BIRC6: variants seen among roughly 807,000 people sequenced by gnomAD.
BIRC6 encodes the protein baculoviral IAP repeat containing 6, also known as dual E2 ubiquitin-conjugating enzyme/E3 ubiquitin-protein ligase BIRC6.
BIRC6 carries 98 observed loss-of-function variants against 503.3 expected under a neutral mutation model. That is an observed-to-expected ratio of 0.19 (90% CI 0.17 to 0.23). The LOEUF is 0.23. Among genes scored for constraint, BIRC6 ranks in the 10% least tolerant of loss-of-function variants. The pLI is 1.00. For missense variants in BIRC6, 5,360 were observed against 5,806.0 expected (o/e 0.92, Z 2.50); for synonymous variants, 2,240 against 2,078.7 (o/e 1.08, Z -2.11).
rs1317163252 is a variant in BIRC6, at chr2:32,524,905, G to A, written c.11641G>A (p.Ala3881Thr). 2 of 1,491,148 alleles carry A rather than the reference G, an allele frequency of 1.3e-6. No homozygotes were observed. The highest frequency in any genetic ancestry group is 1.8e-6 in the Non-Finnish European group (2 of 1,111,344). 92.4% of individuals were successfully genotyped at this position (1,491,148 alleles called of 1,614,324 possible). A position where few individuals can be genotyped will look rare whatever the true frequency, so the allele number is the denominator to read the frequency against. The change falls in exon 58 of 74, where the codon GCT becomes ACT. Residue 3881 changes from alanine to threonine, a missense_variant. Physicochemically the swap from Ala to Thr is moderately conservative, Grantham distance 58. This residue lies in a region of BIRC6 where 878 missense variants were observed against 928.9 expected (regional missense o/e 0.95). Coordinates refer to ENST00000421745, the MANE Select transcript of BIRC6 (RefSeq NM_016252.4). The part of the protein sequence containing the change: ...DRVSDTPSIT[A>T]KLISEQKDDK... ...TCTTACAGATACTCCAAGTATCACA[G>A]CTAAATTAATTAGTGAACAAAAAGA...
At chr2:32,533,314 G>A (rs1467310283) in intron 61 of BIRC6, among the ~76,000 whole-genome samples, 1 of 152,200 alleles carries the variant, frequency 6.6e-6, no homozygotes, top group Non-Finnish European at 1.5e-5. Flanking sequence ...GAACTTACAT[G>A]TAATGAACAT....
chr2:32,501,675 A>G, intron 46 of BIRC6, 38 bp from the exon 47 acceptor site: 1 of 1,561,992 alleles, frequency 6.4e-7, no homozygotes, highest in Non-Finnish European at 8.7e-7. Flanking sequence ...CTGGCTGGAT[A>G]TATATACTTT....
chr2:32,378,611 C>G (rs1378822432), intron 2 of BIRC6, among the ~76,000 whole-genome samples: 1 of 152,042 alleles, frequency 6.6e-6, no homozygotes, highest in African/African-American at 2.4e-5. Context: ...GCATGCACCA[C>G]CACACCCAGC....
At chr2:32,546,009 T>G in intron 63 of BIRC6, 149 bp downstream of exon 63, 1 of 793,636 alleles carries the variant, frequency 1.3e-6, no homozygotes, top group East Asian at 2.7e-5. Flanking sequence ...AATTGTAAAT[T>G]AATTGTTTTC....
At chr2:32,591,367 G>A (rs897988002) in intron 66 of BIRC6, among the ~76,000 whole-genome samples, 1 of 151,654 alleles carries the variant, frequency 6.6e-6, no homozygotes, top group African/African-American at 2.4e-5. Context: ...CTTAATTATG[G>A]TAAAAAAATA....
Position 32,499,499 on chromosome 2 carries a change from ATCTCTCTCTCTCTCTCTTTTTCTGTCTC to A in BIRC6, c.8469-32_8469-5del. The A allele has an allele frequency of 2.4e-6, 3 of 1,236,262 alleles. No homozygotes were observed. The highest frequency in any genetic ancestry group is 3.2e-6 in the Non-Finnish European group (3 of 923,442). 76.6% of individuals were successfully genotyped at this position (1,236,262 alleles called of 1,614,324 possible). A position where few individuals can be genotyped will look rare whatever the true frequency, so the allele number is the denominator to read the frequency against. ...AATTTTTAATCCTTTCTCTTGTTGT[ATCTCTCTCTCTCTCTCTTTTTCTGTCTC>A]TCTCTCTCTCTCTCTGCAGGGGTGC... is the stretch of plus-strand genomic sequence containing the variant. On this transcript the variant is annotated intron_variant, in intron 45 of 73. Transcript: ENST00000421745.
chr2:32,548,013 A>G lies in BIRC6; in HGVS notation c.12974A>G (p.Gln4325Arg). Residue 4325 changes from glutamine (Q) to arginine (R), a missense_variant and splice_region_variant, in exon 64 of 74, where the codon CAG becomes CGG. Gln to Arg is a conservative substitution (Grantham distance 43). Around this residue, in one of 16 missense-constraint regions of BIRC6, gnomAD observed 477 missense variants for 574.4 expected, o/e 0.83. Coordinates refer to ENST00000421745, the MANE Select transcript of BIRC6 (RefSeq NM_016252.4). ...GAGGAACATGTTACCTGCCTTCTGC[A>G]GGTATATTTGTAAACTTGATATTGT... The part of the protein sequence containing the change: ...LEEEHVTCLL[Q>R]VLASYINPVS... The G allele has an allele frequency of 6.3e-7, 1 of 1,591,188 alleles. No individual in the cohort carries two copies.
At chr2:32,569,577 G>C (rs1473501629) in intron 65 of BIRC6, among the ~76,000 whole-genome samples, 1 of 151,764 alleles carries the variant, frequency 6.6e-6, no homozygotes, top group Non-Finnish European at 1.5e-5. Flanking sequence ...TTACTATGTT[G>C]TTCAGGCTGG....
intron 45 of BIRC6, among the ~76,000 whole-genome samples, chr2:32,494,740 AAAAAAG>A (rs929786304): frequency 6.6e-6 from 1 of 151,932 alleles, no homozygotes; most frequent in Non-Finnish European, 1.5e-5. Flanking sequence ...CTTCTCTAAA[AAAAAAG>A]AAAAAGAAAA....
chr2:32,577,850 A>G (rs1246119804), intron 66 of BIRC6, among the ~76,000 whole-genome samples: 7 of 152,202 alleles, frequency 4.6e-5, no homozygotes, highest in Non-Finnish European at 8.8e-5. Flanking sequence ...AAATTATTCC[A>G]TTTAAATTCT....
intron 65 of BIRC6, among the ~76,000 whole-genome samples, chr2:32,562,070 A>G (rs2059232026): frequency 6.6e-6 from 1 of 152,090 alleles, no homozygotes; most frequent in African/African-American, 2.4e-5. Context: ...TATTATTTCT[A>G]GATTTTAACA....
chr2:32,532,134 CGTGTGTGTGTGTGTGT>C (rs138437601), intron 61 of BIRC6: 17 of 449,724 alleles, frequency 3.8e-5, no homozygotes, highest in Admixed American at 1.0e-4. Flanking sequence ...GATTTCATGT[CGTGTGTGTGTGTGTGT>C]GTGTGTGTGT....
chr2:32,447,708 C>CA (rs1304895798), intron 21 of BIRC6, among the ~76,000 whole-genome samples: 1 of 92,518 alleles, frequency 1.1e-5, no homozygotes, highest in African/African-American at 4.5e-5. Context: ...GGGGGCTGAC[C>CA]CCCCCCACCT....
chr2:32,483,769 T>C (rs2050678583), intron 39 of BIRC6, among the ~76,000 whole-genome samples: 1 of 152,162 alleles, frequency 6.6e-6, no homozygotes, highest in African/African-American at 2.4e-5. Context: ...GAATATTGAG[T>C]TAATGCATCT....
At chr2:32,446,763 T>A (rs1223423078) in intron 21 of BIRC6, among the ~76,000 whole-genome samples, 2 of 137,666 alleles carry the variant, frequency 1.5e-5, no homozygotes, top group South Asian at 5.1e-4. Context: ...TTTTTTTTTT[T>A]TTTTTTTTAT....
At chr2:32,581,852 ATATTT>A (rs1241854458) in intron 66 of BIRC6, among the ~76,000 whole-genome samples, 1 of 152,098 alleles carries the variant, frequency 6.6e-6, no homozygotes, top group Non-Finnish European at 1.5e-5. Context: ...AAAGTGATCT[ATATTT>A]TATTTTATGT....
chr2:32,454,016 C>T, intron 23 of BIRC6, 74 bp downstream of exon 23: 1 of 1,197,902 alleles, frequency 8.3e-7, no homozygotes, highest in Non-Finnish European at 1.1e-6. Context: ...TATATTTAAA[C>T]ATTATTTCTA....
chr2:32,591,363 T>C (rs931944606), intron 66 of BIRC6, among the ~76,000 whole-genome samples: 2 of 152,170 alleles, frequency 1.3e-5, no homozygotes, highest in African/African-American at 4.8e-5. Context: ...TTTTCTTAAT[T>C]ATGGTAAAAA....
In BIRC6 at chr2:32,431,050, G is replaced by T; in HGVS notation, c.3208G>T (p.Ala1070Ser). 6.2e-7 allele frequency: 1 copy of T among 1,613,360 alleles called. No individual in the cohort carries two copies. Among genetic ancestry groups the T allele is most frequent in the Non-Finnish European group, 8.5e-7 (1 of 1,179,760 alleles). The change falls in exon 12 of 74, where the codon GCT becomes TCT. Residue 1070 changes from alanine to serine, a missense_variant. Around this residue, in one of 16 missense-constraint regions of BIRC6, gnomAD observed 8 missense variants for 29.3 expected, o/e 0.27. Coordinates refer to ENST00000421745, the MANE Select transcript of BIRC6 (RefSeq NM_016252.4). ...QHLHQQHHGDAAQHTRTWKLQ... is the reference protein window; with the variant it reads ...QHLHQQHHGDSAQHTRTWKLQ... ...TTTGCATCAGCAACACCATGGTGAT[G>T]CTGCTCAGCATACTCGAACTTGGAA...
Sources: gnomAD v4.1 joint callset for allele counts (sites outside exome capture counted in the v4.1 genomes callset) on GRCh38, gnomAD v4.1.1 for gene constraint, gnomAD v4.1.1 regional missense constraint, MANE v1.5 for transcripts, NCBI Gene and HGNC (gene_info 2026-07-23, HGNC 2026-07-21) for gene names.